The following VPS13C variants were observed in gnomAD, a reference collection of about 807,000 sequenced individuals.
VPS13C encodes intermembrane lipid transfer protein VPS13C.
VPS13C carries 358 observed loss-of-function variants against 456.8 expected under a neutral mutation model. The ratio of observed to expected loss-of-function variants is 0.78; its 90% CI spans 0.72 to 0.86. The LOEUF is 0.86. VPS13C is among the 40% of genes least tolerant of loss of function. The probability of loss-of-function intolerance (pLI) is 0.00; values close to 1 mark genes in which losing one functional copy is unlikely to be tolerated. For synonymous variants in VPS13C, 1,578 were observed against 1,486.7 expected, an observed-to-expected ratio of 1.06 and a Z score of -1.41; for missense variants, 4,818 against 4,385.4, an observed-to-expected ratio of 1.10 and a Z score of -2.79.
At chr15:61,968,570 G>A (rs539681154) in intron 28 of VPS13C, among the ~76,000 whole-genome samples, 1 of 152,206 alleles carries the variant, frequency 6.6e-6, no homozygotes, top group Non-Finnish European at 1.5e-5. Context: ...AATTACTGTA[G>A]ATTTGTCCAT....
intron 6 of VPS13C, among the ~76,000 whole-genome samples, chr15:62,024,685 C>A (rs2047574551): frequency 6.6e-6 from 1 of 152,114 alleles, no homozygotes; most frequent in Non-Finnish European, 1.5e-5. Flanking sequence ...AGGCTCTCTG[C>A]AACCTTCCAG....
chr15:62,026,514 A>T (rs565782070), intron 6 of VPS13C, among the ~76,000 whole-genome samples: 2 of 152,192 alleles, frequency 1.3e-5, no homozygotes, highest in African/African-American at 4.8e-5. Context: ...TATCACTGAC[A>T]ACAAATACTG....
chr15:61,881,085 G>A (rs1895814647), intron 71 of VPS13C, 131 bp from the exon 72 acceptor site: 2 of 727,406 alleles, frequency 2.7e-6, no homozygotes, highest in South Asian at 2.3e-5. Flanking sequence ...ATGTTAATAA[G>A]ATCAAAGTCT....
intron 3 of VPS13C, among the ~76,000 whole-genome samples, chr15:62,040,575 G>T (rs1048851107): frequency 2.6e-5 from 4 of 152,024 alleles, no homozygotes; most frequent in African/African-American, 9.7e-5. Flanking sequence ...AAGGAGGGGG[G>T]TGGAGGTTCA....
chr15:61,860,453 C>G (rs1263096948), intron 82 of VPS13C, among the ~76,000 whole-genome samples: 1 of 152,064 alleles, frequency 6.6e-6, no homozygotes, highest in Non-Finnish European at 1.5e-5. Flanking sequence ...CAAAAATCTT[C>G]ACAACTTTTA....
chr15:61,872,526 A>G (rs1328921153), intron 78 of VPS13C, among the ~76,000 whole-genome samples: 1 of 152,102 alleles, frequency 6.6e-6, no homozygotes, highest in Non-Finnish European at 1.5e-5. Flanking sequence ...TAACTGTAAC[A>G]CCCAACATTA....
chr15:61,920,752 T>G, intron 55 of VPS13C, 105 bp from the exon 56 acceptor site: 1 of 1,004,012 alleles, frequency 1.0e-6, no homozygotes, highest in Non-Finnish European at 1.4e-6. Flanking sequence ...ATAGTAATGC[T>G]TCGCAAAAGT....
In VPS13C at chr15:61,958,733, T is replaced by TA. The variant is rs372770079; in HGVS notation, c.4057-18dup. On this transcript the variant is annotated splice_polypyrimidine_tract_variant and intron_variant, in intron 36 of 84. Coordinates refer to ENST00000644861, the MANE Select transcript of VPS13C (RefSeq NM_020821.3). ...TAGACTAACCTGTAAAATATTATGT[T>TA]AAAAAAAAAACTATATTACGTTTTA... 0.017 allele frequency: 19,539 copies of TA among 1,176,074 alleles called. No homozygotes were observed. Among genetic ancestry groups the TA allele is most frequent in the South Asian group, 0.024 (1,442 of 60,086 alleles). The allele number at this position is 1,176,074 out of a possible 1,614,324, so 72.9% of individuals were successfully genotyped here.
intron 1 of VPS13C, among the ~76,000 whole-genome samples, chr15:62,060,042 A>AG (rs943668539): frequency 1.3e-5 from 2 of 152,142 alleles, no homozygotes; most frequent in Admixed American, 6.5e-5. Context: ...GGGACGAGAA[A>AG]GGTGGGAACT....
chr15:61,985,033 G>T, intron 18 of VPS13C, 34 bp from the exon 19 acceptor site: 1 of 1,327,396 alleles, frequency 7.5e-7, no homozygotes, highest in Non-Finnish European at 9.9e-7. Context: ...AATTGTTAAA[G>T]TTTAAATAAT....
intron 47 of VPS13C, among the ~76,000 whole-genome samples, chr15:61,937,985 G>A (rs1226328418): frequency 1.3e-5 from 2 of 152,126 alleles, no homozygotes; most frequent in East Asian, 3.9e-4. Flanking sequence ...CGCATGCATA[G>A]CAAATCTCCT....
intron 67 of VPS13C, among the ~76,000 whole-genome samples, chr15:61,884,696 ACT>A (rs1896139203): frequency 6.6e-6 from 1 of 151,618 alleles, no homozygotes; most frequent in Admixed American, 6.6e-5. Flanking sequence ...GAAAAAAAAA[ACT>A]TCTTTTGTGA....
In VPS13C at chr15:61,890,364, G is replaced by C; in HGVS notation, c.9142C>G (p.Gln3048Glu). The C allele has an allele frequency of 6.2e-7, 1 of 1,613,936 alleles. No homozygotes were observed. The highest frequency in any genetic ancestry group is 8.5e-7 in the Non-Finnish European group (1 of 1,179,986). The part of the protein sequence containing the change: ...CGQFPYDANI[Q>E]IHWVSFLDGR... ...TCCAGAAATGATACCCAGTGTATCTGGATGTTTGCATCATATGGAAACTGT... is the reference window on the plus strand; with the variant it reads ...TCCAGAAATGATACCCAGTGTATCTCGATGTTTGCATCATATGGAAACTGT... Residue 3048 changes from glutamine (Q) to glutamate (E), a missense_variant, in exon 67 of 85, where the codon CAG (glutamine) becomes GAG (glutamate). Gln to Glu is a conservative substitution (Grantham distance 29). Coordinates refer to ENST00000644861, the MANE Select transcript of VPS13C (RefSeq NM_020821.3).
At chr15:61,939,537 T>C (rs972187255) in intron 47 of VPS13C, among the ~76,000 whole-genome samples, 6 of 152,192 alleles carry the variant, frequency 3.9e-5, no homozygotes, top group Non-Finnish European at 5.9e-5. Flanking sequence ...TGTTTGGTTT[T>C]GTTTAGTCTC....
At chr15:62,043,933 G>GAAAATATT (rs1027115710) in intron 2 of VPS13C, among the ~76,000 whole-genome samples, 1 of 152,038 alleles carries the variant, frequency 6.6e-6, no homozygotes, top group Admixed American at 6.6e-5. Flanking sequence ...ACTAGTGAAG[G>GAAAATATT]AAAATATTGC....
chr15:62,037,276 ATATTATATATATTATAT>A lies in VPS13C; in HGVS notation c.188-2241_188-2225del, dbSNP rs1235668955. ...ATTTATATATATTATATTATATAATATATTATATATATTATATTATATAATATATATATAAATATATT... is the reference window on the plus strand; with the variant it reads ...ATTTATATATATTATATTATATAATATATATAATATATATATAAATATATT... On this transcript the variant is annotated intron_variant, in intron 3 of 84. Coordinates refer to ENST00000644861, the MANE Select transcript of VPS13C (RefSeq NM_020821.3). Among the ~76,000 whole-genome samples the A allele has an allele frequency of 6.2e-3, 455 of 73,204 alleles. 14 individuals are homozygous for A. The highest frequency in any genetic ancestry group is 0.026 in the African/African-American group (443 of 17,262). 48.0% of individuals were successfully genotyped at this position (73,204 alleles called of 152,430 possible). A position where few individuals can be genotyped will look rare whatever the true frequency, so the allele number is the denominator to read the frequency against.
At chr15:61,961,990 T>C (rs901849110) in intron 34 of VPS13C, 97 bp from the exon 35 acceptor site, 36 of 1,350,700 alleles carry the variant, frequency 2.7e-5, no homozygotes, top group African/African-American at 1.7e-4. Context: ...ACTTTTTTTT[T>C]CCAATATTTA....
chr15:61,933,074 G>T (rs1376097147), intron 49 of VPS13C, among the ~76,000 whole-genome samples: 1 of 152,126 alleles, frequency 6.6e-6, no homozygotes, highest in Non-Finnish European at 1.5e-5. Flanking sequence ...TGTAAGAAGA[G>T]TTTCAAATAA....
chr15:61,965,725 C>T (rs2140332032), intron 30 of VPS13C, among the ~76,000 whole-genome samples: 1 of 151,988 alleles, frequency 6.6e-6, no homozygotes, highest in Middle Eastern at 3.4e-3. Context: ...AAGTGCTCAA[C>T]ATGTCTCCTT....
Sources: allele counts gnomAD v4.1 joint callset (sites outside exome capture counted in the v4.1 genomes callset), GRCh38; gene constraint gnomAD v4.1.1; transcripts MANE v1.5; gene names NCBI Gene and HGNC (gene_info 2026-07-23, HGNC 2026-07-21).